MBD5: variants seen among roughly 807,000 people sequenced by gnomAD.
The protein encoded by MBD5 is methyl-CpG-binding domain protein 5.
In MBD5, 13 loss-of-function variants were observed where a neutral mutation model predicts 117.3. The observed-to-expected ratio is 0.11, with a 90% CI of 0.07 to 0.18. The LOEUF (loss-of-function observed/expected upper bound fraction) is 0.18, where lower values mean the gene tolerates loss of function less well. Ranked by LOEUF, MBD5 falls within the 10% of genes least tolerant of loss-of-function variation. The pLI is 1.00. For missense variants in MBD5, 1,879 were observed against 2,093.8 expected (o/e 0.90, Z 2.00); for synonymous variants, 727 against 766.4 (o/e 0.95, Z 0.85).
chr2:148,425,021 A>C (rs1355872692), intron 4 of MBD5, among the ~76,000 whole-genome samples: 1 of 152,168 alleles, frequency 6.6e-6, no homozygotes, highest in Non-Finnish European at 1.5e-5. Flanking sequence ...AGAAGACAAG[A>C]AATAACTAAC....
chr2:148,421,637 G>A (rs539070197), intron 4 of MBD5, among the ~76,000 whole-genome samples: 47 of 152,156 alleles, frequency 3.1e-4, no homozygotes, highest in African/African-American at 9.4e-4. Flanking sequence ...GGTCTGGCTC[G>A]GCGGATCCCA....
At chr2:148,366,441 A>G (rs112292298) in intron 4 of MBD5, among the ~76,000 whole-genome samples, 1 of 152,164 alleles carries the variant, frequency 6.6e-6, no homozygotes, top group South Asian at 2.1e-4. Flanking sequence ...CTCTGTCACC[A>G]TTCCTATTCA....
intron 12 of MBD5, among the ~76,000 whole-genome samples, chr2:148,507,418 C>T (rs1012777340): frequency 2.0e-5 from 3 of 152,132 alleles, no homozygotes; most frequent in African/African-American, 7.2e-5. Context: ...ATACCTATTC[C>T]ATCAAATTAT....
At chr2:148,345,597 AC>A (rs1176659410) in intron 4 of MBD5, among the ~76,000 whole-genome samples, 1 of 114,318 alleles carries the variant, frequency 8.7e-6, no homozygotes, top group Admixed American at 8.6e-5. Flanking sequence ...ATACACGTAT[AC>A]ACATACATAT....
At chr2:148,439,737 C>CT (rs761911302) in intron 4 of MBD5, among the ~76,000 whole-genome samples, 23,746 of 130,628 alleles carry the variant, frequency 0.18, 2,465 homozygotes, top group African/African-American at 0.25. Context: ...CATTCTCTCT[C>CT]TTTTTTTTTT....
intron 3 of MBD5, among the ~76,000 whole-genome samples, chr2:148,310,136 G>T (rs773877080): frequency 1.3e-5 from 2 of 152,290 alleles, no homozygotes; most frequent in Admixed American, 6.5e-5. Flanking sequence ...CCAGGTTTTT[G>T]TATCAGAGTG....
At chr2:148,169,721 C>T (rs1274876743) in intron 1 of MBD5, among the ~76,000 whole-genome samples, 1 of 152,146 alleles carries the variant, frequency 6.6e-6, no homozygotes, top group East Asian at 1.9e-4. Flanking sequence ...CGAACTTTCA[C>T]AGAGATCTTT....
intron 8 of MBD5, among the ~76,000 whole-genome samples, chr2:148,480,903 G>GA (rs1216693930): frequency 6.6e-6 from 1 of 152,026 alleles, no homozygotes; most frequent in Non-Finnish European, 1.5e-5. Flanking sequence ...AGACAGCCAG[G>GA]AAAAATGACA....
At chr2:148,041,594 C>T (rs1486580089) in intron 1 of MBD5, among the ~76,000 whole-genome samples, 3 of 152,152 alleles carry the variant, frequency 2.0e-5, no homozygotes, top group African/African-American at 7.2e-5. Context: ...CAGTTTACAA[C>T]AGGCCATCTA....
At chr2:148,345,898 C>T (rs1275068136) in intron 4 of MBD5, 4 of 151,826 alleles carry the variant, frequency 2.6e-5, no homozygotes, top group Non-Finnish European at 5.9e-5. Flanking sequence ...AGGCCTGTCT[C>T]TCCTTTTCAC....
At chr2:148,407,342 G>A (rs1238911954) in intron 4 of MBD5, among the ~76,000 whole-genome samples, 1 of 82,746 alleles carries the variant, frequency 1.2e-5, no homozygotes, top group African/African-American at 5.9e-5. Flanking sequence ...CTTTCTGAGT[G>A]TGTGTGTGTG....
intron 4 of MBD5, among the ~76,000 whole-genome samples, chr2:148,453,518 C>T (rs1434884980): frequency 6.6e-6 from 1 of 151,862 alleles, no homozygotes; most frequent in Non-Finnish European, 1.5e-5. Flanking sequence ...TATTGTAGAT[C>T]CTGAGTCTTA....
chr2:148,480,159 T>C (rs1681106056), intron 8 of MBD5, among the ~76,000 whole-genome samples: 1 of 152,122 alleles, frequency 6.6e-6, no homozygotes, highest in African/African-American at 2.4e-5. Flanking sequence ...TACCTTCATC[T>C]TTGTACTACA....
intron 1 of MBD5, among the ~76,000 whole-genome samples, chr2:148,052,993 A>G (rs1694763160): frequency 1.3e-5 from 2 of 150,034 alleles, no homozygotes; most frequent in South Asian, 2.1e-4. Context: ...GAGAGAGACA[A>G]TGTGTATTCT....
chr2:148,365,941 A>G (rs1703684067), intron 4 of MBD5, among the ~76,000 whole-genome samples: 1 of 152,186 alleles, frequency 6.6e-6, no homozygotes, highest in Non-Finnish European at 1.5e-5. Context: ...ATTCCAAACA[A>G]AAGAAAAAGA....
chr2:148,309,203 A>G (rs950640561), intron 3 of MBD5, among the ~76,000 whole-genome samples: 3 of 152,176 alleles, frequency 2.0e-5, no homozygotes, highest in Non-Finnish European at 4.4e-5. Context: ...AGTCAATGGT[A>G]GATTGGTGGA....
intron 1 of MBD5, among the ~76,000 whole-genome samples, chr2:148,095,624 T>C (rs1315416894): frequency 6.6e-6 from 1 of 152,108 alleles, no homozygotes. Flanking sequence ...TATTGTAGGG[T>C]GTGCAGAATA....
chr2:148,450,036 T>C (rs1706681207), intron 4 of MBD5, among the ~76,000 whole-genome samples: 1 of 152,120 alleles, frequency 6.6e-6, no homozygotes, highest in African/African-American at 2.4e-5. Context: ...ATTATAATTA[T>C]ATGTATAATT....
At position 148,268,265 on chromosome 2, in the gene MBD5, T is replaced by C. The variant is rs553299550; in HGVS notation, c.-680+34870T>C. ...TCCCTTCCTTCTTTTTCCTTTTGTATAGCCTGGTCTCCCTAAACTGCCCCC... is the reference window on the plus strand; with the variant it reads ...TCCCTTCCTTCTTTTTCCTTTTGTACAGCCTGGTCTCCCTAAACTGCCCCC... On this transcript the variant is annotated intron_variant, in intron 3 of 13. Coordinates refer to ENST00000642680, the MANE Select transcript of MBD5 (RefSeq NM_001378120.1). Among the ~76,000 whole-genome samples the C allele has an allele frequency of 2.5e-4, 38 of 152,178 alleles. No individual in the cohort carries two copies. The South Asian group carries it at 7.7e-3, about 31-fold the overall frequency.
Sources: gnomAD v4.1 joint callset for allele counts (sites outside exome capture counted in the v4.1 genomes callset) on GRCh38, gnomAD v4.1.1 for gene constraint, MANE v1.5 for transcripts, NCBI Gene and HGNC (gene_info 2026-07-23, HGNC 2026-07-21) for gene names.